The following ATP6V1G1 variants were observed in gnomAD, a reference collection of about 807,000 sequenced individuals.
ATP6V1G1 encodes V-type proton ATPase subunit G 1.
In ATP6V1G1, 14 loss-of-function variants were observed where a neutral mutation model predicts 14.2. That is an observed-to-expected ratio of 0.99 (90% CI 0.65 to 1.55). The LOEUF is 1.55. ATP6V1G1 is among the 40% of genes most tolerant of loss of function. ATP6V1G1 has a pLI of 0.00. For synonymous variants in ATP6V1G1, 65 were observed against 53.3 expected (o/e 1.22, Z -0.96); for missense variants, 137 against 146.4 (o/e 0.94, Z 0.33).
rs1323951378 is a variant in ATP6V1G1, at chr9:114,588,726, G to C, written c.82+806G>C. 2.0e-5 allele frequency among the ~76,000 whole-genome samples: 3 copies of C among 152,106 alleles called. No homozygotes were observed. In the East Asian group the frequency reaches 5.8e-4, roughly 29 times the overall value. ...ACAGGTGAGTTTAATCTAGACTGGG[G>C]AGTGGAAGAACCCGTTCTGGTCCCC... is the stretch of plus-strand genomic sequence containing the variant. On this transcript the variant is annotated intron_variant, in intron 1 of 2. Coordinates refer to ENST00000374050, the MANE Select transcript of ATP6V1G1 (RefSeq NM_004888.4).
chr9:114,597,813 C>G lies in ATP6V1G1; in HGVS notation c.*70C>G. On this transcript the variant is annotated 3_prime_UTR_variant, in exon 3 of 3. Transcript: ENST00000374050. The stretch of plus-strand genomic sequence containing the variant: ...CACGAATATGAAGCTTAGCACAGCT[C>G]TAGTTACATTCTTATGATATGGCAT... 1 of 1,319,852 alleles carries G rather than the reference C, an allele frequency of 7.6e-7. No homozygotes were observed. The highest frequency in any genetic ancestry group is 2.2e-5 in the South Asian group (1 of 45,556). The allele number at this position is 1,319,852 out of a possible 1,614,324, so 81.8% of individuals were successfully genotyped here. A position where few individuals can be genotyped will look rare whatever the true frequency, so the allele number is the denominator to read the frequency against.
chr9:114,597,223 C>G (rs1369705597), intron 2 of ATP6V1G1, among the ~76,000 whole-genome samples: 9 of 152,064 alleles, frequency 5.9e-5, no homozygotes, highest in Middle Eastern at 3.4e-3. Context: ...ATCTCCTGAC[C>G]TCGTGATCCG....
chr9:114,588,155 C>T (rs903472031), intron 1 of ATP6V1G1: 3 of 570,544 alleles, frequency 5.3e-6, no homozygotes, highest in Non-Finnish European at 9.3e-6. Context: ...GGTTACCGTC[C>T]TTGGGGCCTG....
In ATP6V1G1 at chr9:114,592,657, G is replaced by T; in HGVS notation, c.183+5G>T. On this transcript the variant is annotated splice_donor_5th_base_variant and intron_variant, in intron 2 of 2. Coordinates refer to ENST00000374050, the MANE Select transcript of ATP6V1G1 (RefSeq NM_004888.4). ...TTCAAGGCCAAGGAAGCTGCGGTGG[G>T]GCACCATTTGTTTTTGTTACTGCTT... 1 of 1,566,978 alleles carries T rather than the reference G, an allele frequency of 6.4e-7. No individual in the cohort carries two copies. The highest frequency in any genetic ancestry group is 2.3e-5 in the East Asian group (1 of 42,626).
At position 114,598,056 on chromosome 9, in the gene ATP6V1G1, A is replaced by T. The variant is rs73656154; in HGVS notation, c.*313A>T. The T allele has an allele frequency of 9.2e-3, 441 of 48,066 alleles. 3 individuals carry two copies. Among genetic ancestry groups the T allele is most frequent in the African/African-American group, 0.035 (427 of 12,226 alleles). The allele number at this position is 48,066 out of a possible 1,614,324, so 3.0% of individuals were successfully genotyped here. ...ACTTTTTCTTTCTTAGATCTAGTTT[A>T]AAAAAAAAAAAAACCACATAACAAT... On this transcript the variant is annotated 3_prime_UTR_variant, in exon 3 of 3. Coordinates refer to ENST00000374050, the MANE Select transcript of ATP6V1G1 (RefSeq NM_004888.4).
At chr9:114,596,374 C>T (rs1589314191) in intron 2 of ATP6V1G1, among the ~76,000 whole-genome samples, 1 of 136,714 alleles carries the variant, frequency 7.3e-6, no homozygotes, top group Non-Finnish European at 1.5e-5. Context: ...GACGACAGAG[C>T]GAGACTCCAA....
chr9:114,592,539 C>T lies in ATP6V1G1; in HGVS notation c.83-13C>T, dbSNP rs1278208360. 2.6e-6 allele frequency: 4 copies of T among 1,555,338 alleles called. No individual in the cohort carries two copies. Among genetic ancestry groups the T allele is most frequent in the Non-Finnish European group, 3.5e-6 (4 of 1,149,826 alleles). The stretch of plus-strand genomic sequence containing the variant: ...TAACCACTTCCTGATATAGCTCTCT[C>T]CTTTGAAAACAGGAAAGAACCGGAG... On this transcript the variant is annotated splice_polypyrimidine_tract_variant and intron_variant, in intron 1 of 2. Transcript: ENST00000374050.
intron 1 of ATP6V1G1, among the ~76,000 whole-genome samples, chr9:114,588,743 C>T (rs1222919228): frequency 1.3e-5 from 2 of 152,156 alleles, no homozygotes; most frequent in African/African-American, 4.8e-5. Flanking sequence ...AGAACCCGTT[C>T]TGGTCCCCTC....
chr9:114,597,131 C>T (rs1212468262), intron 2 of ATP6V1G1, among the ~76,000 whole-genome samples: 2 of 151,526 alleles, frequency 1.3e-5, no homozygotes, highest in Non-Finnish European at 2.9e-5. Flanking sequence ...GCTGGGACTA[C>T]AGGCGCCCGC....
rs535656238 is a variant in ATP6V1G1 at position 114,591,829 on chromosome 9, C to T, written c.83-723C>T. 5.2e-4 allele frequency among the ~76,000 whole-genome samples: 78 copies of T among 150,250 alleles called. 1 individual carries two copies. Among genetic ancestry groups the T allele is most frequent in the African/African-American group, 1.9e-3 (77 of 40,820 alleles). ...CTCTTTTTTTTTTTTTATTGGTGAG[C>T]GGAGACTCAAAGCAGAGATTATATG... On this transcript the variant is annotated intron_variant, in intron 1 of 2. Coordinates refer to ENST00000374050, the MANE Select transcript of ATP6V1G1 (RefSeq NM_004888.4).
chr9:114,590,208 A>C (rs1445838596), intron 1 of ATP6V1G1, among the ~76,000 whole-genome samples: 5 of 151,406 alleles, frequency 3.3e-5, no homozygotes, highest in Admixed American at 6.6e-5. Context: ...CAAAAAAAAA[A>C]AAAAACAAAA....
At chr9:114,596,522 A>G (rs531940602) in intron 2 of ATP6V1G1, among the ~76,000 whole-genome samples, 8 of 152,304 alleles carry the variant, frequency 5.3e-5, no homozygotes, top group East Asian at 3.9e-4. Flanking sequence ...TTATATTTGC[A>G]AGAATAGATG....
At chr9:114,589,274 A>G (rs1022048400) in intron 1 of ATP6V1G1, among the ~76,000 whole-genome samples, 3 of 152,142 alleles carry the variant, frequency 2.0e-5, no homozygotes, top group Non-Finnish European at 4.4e-5. Context: ...AACAGAAACT[A>G]TGTCTCATTT....
Position 114,597,644 on chromosome 9 carries a change from A to T in ATP6V1G1, c.258A>T (p.Thr86=). The T allele has an allele frequency of 6.3e-7, 1 of 1,590,570 alleles. No individual in the cohort carries two copies. Among genetic ancestry groups the T allele is most frequent in the Non-Finnish European group, 8.5e-7 (1 of 1,170,242 alleles). ...AGGAGAAGATGACCATCCTCCAGAC[A>T]TACTTCCGGCAGAACAGGGATGAAG... The part of the protein sequence containing the change: ...ETQEKMTILQ[T]YFRQNRDEVL... Residue 86 remains threonine, a synonymous_variant, in exon 3 of 3, where the codon ACA becomes ACT. Coordinates refer to ENST00000374050, the MANE Select transcript of ATP6V1G1 (RefSeq NM_004888.4).
intron 2 of ATP6V1G1, among the ~76,000 whole-genome samples, chr9:114,595,023 C>G (rs1845223897): frequency 6.7e-6 from 1 of 149,842 alleles, no homozygotes; most frequent in African/African-American, 2.4e-5. Context: ...CCACGCCTGG[C>G]AGTTTTTTTT....
intron 1 of ATP6V1G1, 64 bp from the exon 2 acceptor site, chr9:114,592,488 C>A: frequency 1.4e-6 from 2 of 1,433,964 alleles, no homozygotes; most frequent in Non-Finnish European, 1.9e-6. Context: ...AATATACCAT[C>A]TTGTCTCTGC....
intron 2 of ATP6V1G1, among the ~76,000 whole-genome samples, chr9:114,594,184 C>T (rs187229598): frequency 1.7e-3 from 256 of 151,976 alleles, no homozygotes; most frequent in African/African-American, 6.0e-3. Context: ...ATTCTTCCAC[C>T]TCAACCTCCC....
chr9:114,587,834 C>A lies in ATP6V1G1; in HGVS notation c.-5C>A, dbSNP rs1459592752. On this transcript the variant is annotated 5_prime_UTR_variant, in exon 1 of 3. Coordinates refer to ENST00000374050, the MANE Select transcript of ATP6V1G1 (RefSeq NM_004888.4). The stretch of plus-strand genomic sequence containing the variant: ...GCTTGCCTTGCTCTCAGAATCGCTG[C>A]CGCCATGGCTAGTCAGTCTCAGGGG... 2 of 1,585,890 alleles carry A rather than the reference C, an allele frequency of 1.3e-6. No individual in the cohort carries two copies. The highest frequency in any genetic ancestry group is 2.3e-5 in the South Asian group (2 of 86,892).
Position 114,597,753 on chromosome 9 carries a change from G to A in ATP6V1G1, c.*10G>A, listed in dbSNP as rs772317365. 30 of 1,555,174 alleles carry A rather than the reference G, an allele frequency of 1.9e-5. No homozygotes were observed. The highest frequency in any genetic ancestry group is 2.2e-5 in the Admixed American group (1 of 46,114). ...CCGCATAAATGGATAGAAGAGAGAA[G>A]CACCTGTGCTGTGGAGTGGCATTTT... On this transcript the variant is annotated 3_prime_UTR_variant, in exon 3 of 3. Coordinates refer to ENST00000374050, the MANE Select transcript of ATP6V1G1 (RefSeq NM_004888.4).
Sources: gnomAD v4.1 joint callset for allele counts (sites outside exome capture counted in the v4.1 genomes callset) on GRCh38, gnomAD v4.1.1 for gene constraint, MANE v1.5 for transcripts, NCBI Gene and HGNC (gene_info 2026-07-23, HGNC 2026-07-21) for gene names.